KCNAB3: variants seen among roughly 807,000 people sequenced by gnomAD.
KCNAB3 encodes the protein voltage-gated potassium channel subunit beta-3.
In KCNAB3, 62 loss-of-function variants were observed where a neutral mutation model predicts 67.7. The ratio of observed to expected loss-of-function variants is 0.92; its 90% confidence interval spans 0.75 to 1.13. The LOEUF (loss-of-function observed/expected upper bound fraction) is 1.13, where lower values mean the gene tolerates loss of function less well. KCNAB3 is among the 50% of genes most tolerant of loss of function. KCNAB3 has a pLI of 0.00. For missense variants in KCNAB3, 514 were observed against 522.9 expected (o/e 0.98, Z 0.17); for synonymous variants, 212 against 205.4 (o/e 1.03, Z -0.27).
chr17:7,923,704 G>A lies in KCNAB3; in HGVS notation c.1048+7C>T. On this transcript the variant is annotated splice_region_variant and intron_variant, in intron 12 of 13. Transcript: ENST00000303790. ...AGACAGGGCCCCTGCAGGGTGCAAT[G>A]TCTCACCAATAGCAAGCTGGGCCAC... The A allele has an allele frequency of 1.9e-6, 3 of 1,557,580 alleles. No individual in the cohort carries two copies. The highest frequency in any genetic ancestry group is 2.6e-6 in the Non-Finnish European group (3 of 1,150,250).
At position 7,923,049 on chromosome 17, in the gene KCNAB3, G is replaced by T; in HGVS notation, c.*53C>A. The T allele has an allele frequency of 1.9e-6, 3 of 1,549,836 alleles. No individual in the cohort carries two copies. Among genetic ancestry groups the T allele is most frequent in the South Asian group, 1.1e-5 (1 of 89,664 alleles). ...AGCGGGAGAGGCGGCTGCGAGGAGCGGGGCTCGGGCGGGTGCAGCGACACC... is the reference window on the plus strand; with the variant it reads ...AGCGGGAGAGGCGGCTGCGAGGAGCTGGGCTCGGGCGGGTGCAGCGACACC... On this transcript the variant is annotated 3_prime_UTR_variant, in exon 14 of 14. Transcript: ENST00000303790.
intron 12 of KCNAB3, 25 bp downstream of exon 12, chr17:7,923,686 G>A: frequency 6.4e-7 from 1 of 1,554,202 alleles, no homozygotes; most frequent in Non-Finnish European, 8.7e-7. Context: ...AGGAGACAGG[G>A]CCCCTGCAGG....
chr17:7,924,202 G>A lies in KCNAB3; in HGVS notation c.775C>T (p.His259Tyr). ...TCCACCTTCTCCCTCTGAAACAGAT[G>A]GTGCTCCGCTTGTTCACACACTGGA... ...IPPVCEQAEH[H>Y]LFQREKVEMQ... Residue 259 changes from histidine to tyrosine, a missense_variant, in exon 10 of 14, where the codon CAT (histidine) becomes TAT (tyrosine). By Grantham distance (83) the His-to-Tyr change is moderately conservative (BLOSUM62 2). Transcript: ENST00000303790. The A allele has an allele frequency of 6.2e-7, 1 of 1,614,220 alleles. No individual in the cohort carries two copies. The highest frequency in any genetic ancestry group is 1.1e-5 in the South Asian group (1 of 91,080).
At position 7,929,302 on chromosome 17, in the gene KCNAB3, C is replaced by G. The variant is rs888658664; in HGVS notation, c.134G>C (p.Gly45Ala). 1.9e-6 allele frequency: 3 copies of G among 1,570,388 alleles called. No individual in the cohort carries two copies. Among genetic ancestry groups the G allele is most frequent in the African/African-American group, 2.7e-5 (2 of 73,740 alleles). Residue 45 changes from glycine (G) to alanine (A), a missense_variant, in exon 1 of 14, where the codon GGG becomes GCG. Transcript: ENST00000303790. This position sits in a 1 kb window ranked among gnomAD's most constrained non-coding sequence, Gnocchi z 5.7. ...GGCCTTGGGGCCAGACCCTCCACCC[C>G]CCGGAGGATTCCCGTGCCCCCCGCC... Reference protein sequence around the residue: ...PAGGGHGNPPGGGGSGPKARA... With the variant: ...PAGGGHGNPPAGGGSGPKARA...
At position 7,929,817 on chromosome 17, in the gene KCNAB3, CCCGCTGG is replaced by C; in HGVS notation, c.-389_-383del. 4 of 1,020,410 alleles carry C rather than the reference CCCGCTGG, an allele frequency of 3.9e-6. No individual in the cohort carries two copies. The highest frequency in any genetic ancestry group is 4.8e-4 in the Middle Eastern group (1 of 2,086). The allele number at this position is 1,020,410 out of a possible 1,614,324, so 63.2% of individuals were successfully genotyped here. On this transcript the variant is annotated 5_prime_UTR_variant, in exon 1 of 14. Transcript: ENST00000303790. The surrounding 1 kb of genome is among the most constrained non-coding windows in gnomAD (Gnocchi z 5.7). ...CACTTCAGCGCGAACCGCTGCGGGA[CCCGCTGG>C]GCTCCCAGCCGCGTCGGCAGCGGGC...
At chr17:7,923,367 A>G in intron 13 of KCNAB3, 89 bp downstream of exon 13, 2 of 1,372,458 alleles carry the variant, frequency 1.5e-6, no homozygotes, top group Non-Finnish European at 1.0e-6. Flanking sequence ...GTAGTGGGTG[A>G]CCTGATAGAG....
chr17:7,929,820 GC>G lies in KCNAB3; in HGVS notation c.-386del. ...TTCAGCGCGAACCGCTGCGGGACCC[GC>G]TGGGCTCCCAGCCGCGTCGGCAGCG... is the stretch of plus-strand genomic sequence containing the variant. On this transcript the variant is annotated 5_prime_UTR_variant, in exon 1 of 14. Coordinates refer to ENST00000303790, the MANE Select transcript of KCNAB3 (RefSeq NM_004732.4). The surrounding 1 kb of genome is among the most constrained non-coding windows in gnomAD (Gnocchi z 5.7). 11 of 1,022,702 alleles carry G rather than the reference GC, an allele frequency of 1.1e-5. No homozygotes were observed. The highest frequency in any genetic ancestry group is 1.2e-4 in the Admixed American group (2 of 16,802). The allele number at this position is 1,022,702 out of a possible 1,614,324, so 63.4% of individuals were successfully genotyped here. A position where few individuals can be genotyped will look rare whatever the true frequency, so the allele number is the denominator to read the frequency against.
rs776051168 is a variant in KCNAB3, at chr17:7,927,782, C to T, written c.286+1G>A. On this transcript the variant is annotated splice_donor_variant, in intron 2 of 13. Transcript: ENST00000303790. LOFTEE classifies it high-confidence loss of function. ...TTTCCTTAATCCCTATTCTGACTCA[C>T]CTAGGCCAAGACAGGATACCCGAAG... The T allele has an allele frequency of 6.2e-7, 1 of 1,614,172 alleles. No individual in the cohort carries two copies. The highest frequency in any genetic ancestry group is 1.1e-5 in the South Asian group (1 of 91,078).
At chr17:7,927,716 C>T in intron 2 of KCNAB3, 22 bp from the exon 3 acceptor site, 1 of 1,614,224 alleles carries the variant, frequency 6.2e-7, no homozygotes, top group Non-Finnish European at 8.5e-7. Flanking sequence ...AAGCCAGGCA[C>T]ATGAGAACTG....
In KCNAB3 at chr17:7,923,952, A is replaced by G; in HGVS notation, c.927+16T>C. On this transcript the variant is annotated intron_variant, in intron 11 of 13. Transcript: ENST00000303790. The stretch of plus-strand genomic sequence containing the variant: ...CATATAGCCCAGTCCTGCCATCGAG[A>G]GCCCCCAGATCTCACCTTGATGGAG... 1 of 1,603,320 alleles carries G rather than the reference A, an allele frequency of 6.2e-7. No individual in the cohort carries two copies. The highest frequency in any genetic ancestry group is 8.5e-7 in the Non-Finnish European group (1 of 1,175,004).
In KCNAB3 at chr17:7,924,437, C is replaced by G. The variant is rs111968052; in HGVS notation, c.689G>C (p.Arg230Pro). ...CACCATGATTTCTGCAGCCCCCCAT[C>G]GGGATGTCCCCCAGTATAGGGCCAG... is the stretch of plus-strand genomic sequence containing the variant. ...QGLALYWGTS[R>P]WGAAEIMEAY... Residue 230 changes from arginine to proline, a missense_variant, in exon 9 of 14, where the codon CGA becomes CCA. Arg to Pro is a moderately radical substitution (Grantham distance 103). Transcript: ENST00000303790. 1 of 1,614,006 alleles carries G rather than the reference C, an allele frequency of 6.2e-7. No individual in the cohort carries two copies. Among genetic ancestry groups the G allele is most frequent in the Non-Finnish European group, 8.5e-7 (1 of 1,179,912 alleles).
intron 1 of KCNAB3, chr17:7,928,176 A>G (rs534128778): frequency 2.5e-6 from 1 of 397,476 alleles, no homozygotes; most frequent in African/African-American, 2.0e-5. Context: ...GCTGGGAGGA[A>G]TTTTGTTTGA....
Position 7,929,595 on chromosome 17 carries a change from G to T in KCNAB3, c.-160C>A. On this transcript the variant is annotated 5_prime_UTR_variant, in exon 1 of 14. Coordinates refer to ENST00000303790, the MANE Select transcript of KCNAB3 (RefSeq NM_004732.4). The surrounding 1 kb of genome is among the most constrained non-coding windows in gnomAD (Gnocchi z 5.7). The stretch of plus-strand genomic sequence containing the variant: ...GCCGCCAGGCAGGATCGGGCCCGCG[G>T]GGGCGGGCTGCTGGAGGTCGCGAGG... 7.0e-7 allele frequency: 1 copy of T among 1,438,100 alleles called. No individual in the cohort carries two copies. The highest frequency in any genetic ancestry group is 2.8e-5 in the Admixed American group (1 of 35,214). 89.1% of individuals were successfully genotyped at this position (1,438,100 alleles called of 1,614,324 possible). A position where few individuals can be genotyped will look rare whatever the true frequency, so the allele number is the denominator to read the frequency against.
intron 13 of KCNAB3, 109 bp downstream of exon 13, chr17:7,923,347 T>C: frequency 1.5e-6 from 2 of 1,292,778 alleles, no homozygotes. Context: ...ACCTGCAAAG[T>C]GAGGACTTTG....
chr17:7,924,278 T>C lies in KCNAB3; in HGVS notation c.712-13A>G, dbSNP rs777958416. The C allele has an allele frequency of 2.5e-6, 4 of 1,614,020 alleles. No homozygotes were observed. The highest frequency in any genetic ancestry group is 3.4e-6 in the Non-Finnish European group (4 of 1,179,960). On this transcript the variant is annotated splice_polypyrimidine_tract_variant and intron_variant, in intron 9 of 13. Coordinates refer to ENST00000303790, the MANE Select transcript of KCNAB3 (RefSeq NM_004732.4). The stretch of plus-strand genomic sequence containing the variant: ...TGGAGTAGGCCTCCTGGGTTGGGGT[T>C]GGGGAAAAGAAAGTGGTCAGAGCAC...
chr17:7,929,831 AGCCG>A lies in KCNAB3; in HGVS notation c.-400_-397del. 9.7e-6 allele frequency: 10 copies of A among 1,029,204 alleles called. No homozygotes were observed. Among genetic ancestry groups the A allele is most frequent in the Non-Finnish European group, 1.0e-5 (9 of 857,590 alleles). The allele number at this position is 1,029,204 out of a possible 1,614,324, so 63.8% of individuals were successfully genotyped here. ...CCGCTGCGGGACCCGCTGGGCTCCC[AGCCG>A]CGTCGGCAGCGGGCCCAGCTCATCA... On this transcript the variant is annotated 5_prime_UTR_variant, in exon 1 of 14. Transcript: ENST00000303790. The surrounding 1 kb of genome is among the most constrained non-coding windows in gnomAD (Gnocchi z 5.7).
intron 13 of KCNAB3, 72 bp downstream of exon 13, chr17:7,923,384 T>C: frequency 6.8e-7 from 1 of 1,468,290 alleles, no homozygotes; most frequent in Admixed American, 1.9e-5. Context: ...AGAGCCATCC[T>C]GGGTTGGATA....
chr17:7,925,070 T>A (rs777609565), intron 8 of KCNAB3, 27 bp downstream of exon 8: 36 of 1,603,120 alleles, frequency 2.2e-5, no homozygotes, highest in Non-Finnish European at 3.1e-5. Context: ...TTTGAAGGAC[T>A]GTAAGGTTTG....
Position 7,929,766 on chromosome 17 carries a change from G to A in KCNAB3, c.-331C>T. ...AAGGTCTCGGAGGATAAGGACCCAG[G>A]GGGAAGCGGGGCGGGAGAGAGATGC... On this transcript the variant is annotated 5_prime_UTR_variant, in exon 1 of 14. Transcript: ENST00000303790. The surrounding 1 kb of genome is among the most constrained non-coding windows in gnomAD (Gnocchi z 5.7). 1.7e-6 allele frequency: 2 copies of A among 1,182,350 alleles called. No homozygotes were observed. Among genetic ancestry groups the A allele is most frequent in the East Asian group, 5.8e-5 (1 of 17,166 alleles). The allele number at this position is 1,182,350 out of a possible 1,614,324, so 73.2% of individuals were successfully genotyped here.
Sources: allele counts gnomAD v4.1 joint callset, GRCh38; gene constraint gnomAD v4.1.1; non-coding constraint Gnocchi (gnomAD v3.1); transcripts MANE v1.5; gene names NCBI Gene and HGNC (gene_info 2026-07-23, HGNC 2026-07-21).